The following ANKRD13B variants were observed in gnomAD, a reference collection of about 807,000 sequenced individuals.
ANKRD13B encodes the protein ankyrin repeat domain-containing protein 13B.
A neutral mutation model predicts 74.4 loss-of-function variants in ANKRD13B; 33 were observed. The observed-to-expected ratio is 0.44, with a 90% CI of 0.34 to 0.59. The LOEUF (loss-of-function observed/expected upper bound fraction) is 0.59. Among genes scored for constraint, ANKRD13B ranks in the 20% least tolerant of loss-of-function variants. The pLI, the probability that ANKRD13B is intolerant of heterozygous loss-of-function variation, is 0.02. For missense variants in ANKRD13B, 676 were observed against 877.9 expected (o/e 0.77, Z 2.91); for synonymous variants, 341 against 362.9 (o/e 0.94, Z 0.68).
chr17:29,593,895 A>ATGGGAGCGGGCCCGGCCCAC, intron 1 of ANKRD13B, 160 bp downstream of exon 1: 1 of 315,506 alleles, frequency 3.2e-6, no homozygotes. Flanking sequence ...GGAAAGGGTG[A>ATGGGAGCGGGCCCGGCCCAC]TCCCCTCCGG....
chr17:29,599,878 T>TTTTTTTTTTTTTTTTTTTTTTTTTG (rs2034097843), intron 1 of ANKRD13B, among the ~76,000 whole-genome samples: 1 of 126,086 alleles, frequency 7.9e-6, no homozygotes, highest in Non-Finnish European at 1.7e-5. Flanking sequence ...TTTTTTTTTT[T>TTTTTTTTTTTTTTTTTTTTTTTTTG]TTTTTTTTTT....
Position 29,593,664 on chromosome 17 carries a change from A to C in ANKRD13B, c.43A>C (p.Lys15Gln). The change falls in exon 1 of 15, where the codon AAG (lysine) becomes CAG (glutamine). Residue 15 changes from lysine to glutamine, a missense_variant. By Grantham distance (53) the Lys-to-Gln change is moderately conservative. This residue lies in a region of ANKRD13B where 88 missense variants were observed against 87.8 expected (regional missense o/e 1.00). Transcript: ENST00000394859. ...NASARKGPEGKYPLHYLVWHN... is the reference protein window; with the variant it reads ...NASARKGPEGQYPLHYLVWHN... ...CTCCGCCAGGAAGGGGCCCGAGGGC[A>C]AGTATCCGCTGCACTACCTCGTGTG... 2 of 1,425,000 alleles carry C rather than the reference A, an allele frequency of 1.4e-6. No individual in the cohort carries two copies. Among genetic ancestry groups the C allele is most frequent in the Non-Finnish European group, 1.9e-6 (2 of 1,077,814 alleles). 88.3% of individuals were successfully genotyped at this position (1,425,000 alleles called of 1,614,324 possible). A position where few individuals can be genotyped will look rare whatever the true frequency, so the allele number is the denominator to read the frequency against.
At position 29,612,379 on chromosome 17, in the gene ANKRD13B, C is replaced by G; in HGVS notation, c.1259-23C>G. 1 of 1,612,700 alleles carries G rather than the reference C, an allele frequency of 6.2e-7. No homozygotes were observed. The highest frequency in any genetic ancestry group is 8.5e-7 in the Non-Finnish European group (1 of 1,179,324). ...AGGTGTGAGGGGCTGAGTGGTGGCG[C>G]CTAAAGGTTTCCTCATCCTCAGAAA... is the stretch of plus-strand genomic sequence containing the variant. On this transcript the variant is annotated intron_variant, in intron 11 of 14. Coordinates refer to ENST00000394859, the MANE Select transcript of ANKRD13B (RefSeq NM_152345.5). This position sits in a 1 kb window ranked among gnomAD's most constrained non-coding sequence, Gnocchi z 6.1.
chr17:29,608,756 C>A lies in ANKRD13B; in HGVS notation c.422-95C>A. The A allele has an allele frequency of 4.0e-6, 6 of 1,513,114 alleles. No homozygotes were observed. Among genetic ancestry groups the A allele is most frequent in the Non-Finnish European group, 5.4e-6 (6 of 1,114,766 alleles). The allele number at this position is 1,513,114 out of a possible 1,614,324, so 93.7% of individuals were successfully genotyped here. A position where few individuals can be genotyped will look rare whatever the true frequency, so the allele number is the denominator to read the frequency against. On this transcript the variant is annotated intron_variant, in intron 4 of 14. Coordinates refer to ENST00000394859, the MANE Select transcript of ANKRD13B (RefSeq NM_152345.5). This position sits in a 1 kb window ranked among gnomAD's most constrained non-coding sequence, Gnocchi z 6.4. ...TCTCTCTTCAGTTCCCTCCCCTGTT[C>A]CTGGCCACACGGATCCCAAACCCCA...
chr17:29,613,034 G>A, intron 14 of ANKRD13B, 71 bp downstream of exon 14: 2 of 1,539,196 alleles, frequency 1.3e-6, no homozygotes, highest in Non-Finnish European at 1.7e-6. Context: ...GACACAGCCG[G>A]AGAACCCGCG....
At chr17:29,601,087 C>T (rs552212579) in intron 1 of ANKRD13B, among the ~76,000 whole-genome samples, 320 of 151,942 alleles carry the variant, frequency 2.1e-3, no homozygotes, top group Non-Finnish European at 3.8e-3. Flanking sequence ...CCACGCCTGG[C>T]TAATTTTAGT....
Position 29,609,059 on chromosome 17 carries a change from C to A in ANKRD13B, c.566-27C>A. On this transcript the variant is annotated intron_variant, in intron 5 of 14. Coordinates refer to ENST00000394859, the MANE Select transcript of ANKRD13B (RefSeq NM_152345.5). The surrounding 1 kb of genome is among the most constrained non-coding windows in gnomAD (Gnocchi z 4.0). ...GAGGCAGCCCCAGGCCACCCCTGAT[C>A]CCCCTGTGCTGTTCCGTGTCTGGCA... 1 of 1,611,914 alleles carries A rather than the reference C, an allele frequency of 6.2e-7. No homozygotes were observed. Among genetic ancestry groups the A allele is most frequent in the Non-Finnish European group, 8.5e-7 (1 of 1,179,656 alleles).
At chr17:29,603,977 G>A (rs2034275053) in intron 1 of ANKRD13B, among the ~76,000 whole-genome samples, 1 of 149,524 alleles carries the variant, frequency 6.7e-6, no homozygotes, top group South Asian at 2.1e-4. Flanking sequence ...TCCTGACCTC[G>A]TGATCCACCC....
rs1056231687 is a variant in ANKRD13B, at chr17:29,611,526, G to A, written c.905-53G>A. The A allele has an allele frequency of 4.4e-6, 7 of 1,586,160 alleles. No homozygotes were observed. In the African/African-American group the frequency reaches 9.4e-5, roughly 21 times the overall value. ...TGGGTGCTGTCACCTCTGATGAGGTGCCCAGGTGTGTGTGGAGTTGCGGTG... is the reference window on the plus strand; with the variant it reads ...TGGGTGCTGTCACCTCTGATGAGGTACCCAGGTGTGTGTGGAGTTGCGGTG... On this transcript the variant is annotated intron_variant, in intron 8 of 14. Coordinates refer to ENST00000394859, the MANE Select transcript of ANKRD13B (RefSeq NM_152345.5). This position sits in a 1 kb window ranked among gnomAD's most constrained non-coding sequence, Gnocchi z 4.3.
chr17:29,613,835 G>GC lies in ANKRD13B; in HGVS notation c.*254dup. 1.9e-6 allele frequency: 1 copy of GC among 534,664 alleles called. No homozygotes were observed. Among genetic ancestry groups the GC allele is most frequent in the Non-Finnish European group, 3.1e-6 (1 of 321,322 alleles). The allele number at this position is 534,664 out of a possible 1,614,324, so 33.1% of individuals were successfully genotyped here. A position where few individuals can be genotyped will look rare whatever the true frequency, so the allele number is the denominator to read the frequency against. On this transcript the variant is annotated 3_prime_UTR_variant, in exon 15 of 15. Transcript: ENST00000394859. ...TTGCTGTATTCTGATTCCCCAACCC[G>GC]CTCCCCTGGGCTCAGATCTGTCCTG...
Position 29,612,409 on chromosome 17 carries a change from G to A in ANKRD13B, c.1266G>A (p.Pro422=), listed in dbSNP as rs147156385. 5 of 1,612,450 alleles carry A rather than the reference G, an allele frequency of 3.1e-6. No homozygotes were observed. The African/African-American group carries it at 4.0e-5, about 13-fold the overall frequency. ...PPGFPVKIEI[P]IFHILNARIT... ...AGGTTTCCTCATCCTCAGAAATCCC[G>A]ATCTTCCACATCCTCAACGCCCGCA... Residue 422 remains proline, a synonymous_variant, in exon 12 of 15, where the codon CCG becomes CCA. Coordinates refer to ENST00000394859, the MANE Select transcript of ANKRD13B (RefSeq NM_152345.5). The surrounding 1 kb of genome is among the most constrained non-coding windows in gnomAD (Gnocchi z 6.1).
chr17:29,612,837 G>C lies in ANKRD13B; in HGVS notation c.1575+22G>C. 2 of 1,600,334 alleles carry C rather than the reference G, an allele frequency of 1.2e-6. No homozygotes were observed. Among genetic ancestry groups the C allele is most frequent in the South Asian group, 2.2e-5 (2 of 90,724 alleles). Reference sequence around the variant, plus strand: ...CCAGGTGCGTCTCCGCGGGCGCGCGGGGCCACGGGACTCCGCGCCGCCACG... The same window carrying C: ...CCAGGTGCGTCTCCGCGGGCGCGCGCGGCCACGGGACTCCGCGCCGCCACG... On this transcript the variant is annotated intron_variant, in intron 13 of 14. Coordinates refer to ENST00000394859, the MANE Select transcript of ANKRD13B (RefSeq NM_152345.5). This position sits in a 1 kb window ranked among gnomAD's most constrained non-coding sequence, Gnocchi z 6.1.
chr17:29,607,941 T>C (rs1163298206), intron 2 of ANKRD13B, 45 bp from the exon 3 acceptor site: 8 of 1,579,330 alleles, frequency 5.1e-6, no homozygotes, highest in Non-Finnish European at 6.9e-6. Flanking sequence ...GACCTATGGT[T>C]GGCTGAAGGG....
At chr17:29,597,748 T>C (rs1210397268) in intron 1 of ANKRD13B, among the ~76,000 whole-genome samples, 1 of 152,138 alleles carries the variant, frequency 6.6e-6, no homozygotes, top group African/African-American at 2.4e-5. Context: ...AGAGCTGCTC[T>C]GGAGCTTGGC....
Position 29,593,631 on chromosome 17 carries a change from G to A in ANKRD13B, c.10G>A (p.Ala4Thr), listed in dbSNP as rs2033843057. MIP[A>T]NASARKGPEG... ...GCATGAGGAGCGGGCGATGATCCCC[G>A]CCAACGCCTCCGCCAGGAAGGGGCC... The change falls in exon 1 of 15, where the codon GCC (alanine) becomes ACC (threonine). Residue 4 changes from alanine (A) to threonine (T), a missense_variant. Transcript: ENST00000394859. 6 of 1,379,040 alleles carry A rather than the reference G, an allele frequency of 4.4e-6. No individual in the cohort carries two copies. The highest frequency in any genetic ancestry group is 5.7e-6 in the Non-Finnish European group (6 of 1,051,334). 85.4% of individuals were successfully genotyped at this position (1,379,040 alleles called of 1,614,324 possible).
Position 29,611,166 on chromosome 17 carries a change from C to G in ANKRD13B, c.904+400C>G, listed in dbSNP as rs776979273. Among the ~76,000 whole-genome samples the G allele has an allele frequency of 3.5e-4, 53 of 152,120 alleles. No individual in the cohort carries two copies. The highest frequency in any genetic ancestry group is 6.8e-4 in the Non-Finnish European group (46 of 68,026). Reference sequence around the variant, plus strand: ...ACCTGATTCTCTGGGTACCAGATACCGTGTCCGAGGTGAAAAAGCATAATT... The same window carrying G: ...ACCTGATTCTCTGGGTACCAGATACGGTGTCCGAGGTGAAAAAGCATAATT... On this transcript the variant is annotated intron_variant, in intron 8 of 14. Transcript: ENST00000394859. This position sits in a 1 kb window ranked among gnomAD's most constrained non-coding sequence, Gnocchi z 4.3.
rs944404780 is a variant in ANKRD13B, at chr17:29,611,060, G to T, written c.904+294G>T. On this transcript the variant is annotated intron_variant, in intron 8 of 14. Coordinates refer to ENST00000394859, the MANE Select transcript of ANKRD13B (RefSeq NM_152345.5). The surrounding 1 kb of genome is among the most constrained non-coding windows in gnomAD (Gnocchi z 4.3). ...GAAATGCCATGTATGCCATTTATTG[G>T]CCATTCTAGTCTAGTGGGACATATC... Among the ~76,000 whole-genome samples, 1 of 152,162 alleles carries T rather than the reference G, an allele frequency of 6.6e-6. No homozygotes were observed. The highest frequency in any genetic ancestry group is 1.5e-5 in the Non-Finnish European group (1 of 68,028).
chr17:29,609,533 G>T lies in ANKRD13B; in HGVS notation c.822+112G>T. On this transcript the variant is annotated intron_variant, in intron 7 of 14. Transcript: ENST00000394859. The surrounding 1 kb of genome is among the most constrained non-coding windows in gnomAD (Gnocchi z 4.0). ...CCTGGAGGTACAGAAGCAATGCAGCGTGGTCAAGCACTTATATTTGGGTTC... is the reference window on the plus strand; with the variant it reads ...CCTGGAGGTACAGAAGCAATGCAGCTTGGTCAAGCACTTATATTTGGGTTC... The T allele has an allele frequency of 7.7e-7, 1 of 1,297,688 alleles. No homozygotes were observed. The highest frequency in any genetic ancestry group is 1.3e-5 in the South Asian group (1 of 74,156). 80.4% of individuals were successfully genotyped at this position (1,297,688 alleles called of 1,614,324 possible).
At position 29,608,295 on chromosome 17, in the gene ANKRD13B, T is replaced by C; in HGVS notation, c.421+55T>C. The C allele has an allele frequency of 6.2e-7, 1 of 1,608,594 alleles. No individual in the cohort carries two copies. ...GCTCTCCCACTTTAGGTCCTGCGCT[T>C]GCTCCCCTGCCTGGAATGTGTTCTC... On this transcript the variant is annotated intron_variant, in intron 4 of 14. Transcript: ENST00000394859. This position sits in a 1 kb window ranked among gnomAD's most constrained non-coding sequence, Gnocchi z 6.4.
Sources: allele counts gnomAD v4.1 joint callset (sites outside exome capture counted in the v4.1 genomes callset), GRCh38; gene constraint gnomAD v4.1.1; regional missense constraint gnomAD v4.1.1; non-coding constraint Gnocchi (gnomAD v3.1); transcripts MANE v1.5; gene names NCBI Gene and HGNC (gene_info 2026-07-23, HGNC 2026-07-21).